The following PRELID2 variants were observed in gnomAD, a reference collection of about 807,000 sequenced individuals.
PRELID2 encodes the protein PRELI domain-containing protein 2.
In PRELID2, 25 loss-of-function variants were observed where a neutral mutation model predicts 28.4. The ratio of observed to expected loss-of-function variants is 0.88; its 90% CI spans 0.64 to 1.23. The LOEUF is 1.23. PRELID2 is among the 50% of genes most tolerant of loss of function. The pLI is 0.00. For missense variants in PRELID2, 201 were observed against 214.4 expected (o/e 0.94, Z 0.39); for synonymous variants, 76 against 71.6 (o/e 1.06, Z -0.31).
At chr5:145,505,407 C>T (rs1752401821) in intron 1 of PRELID2, among the ~76,000 whole-genome samples, 1 of 152,122 alleles carries the variant, frequency 6.6e-6, no homozygotes, top group Admixed American at 6.6e-5. Flanking sequence ...CTTTTCTGGA[C>T]ACTCTCAGCA....
chr5:145,587,604 T>G (rs1427328633), intron 1 of PRELID2, among the ~76,000 whole-genome samples: 1 of 152,152 alleles, frequency 6.6e-6, no homozygotes, highest in Non-Finnish European at 1.5e-5. Flanking sequence ...AAAATTTGGC[T>G]TTTCTATCGC....
Position 145,569,952 on chromosome 5 carries a change from A to G in PRELID2, n.71-96637T>C, listed in dbSNP as rs377443850. Among the ~76,000 whole-genome samples the G allele has an allele frequency of 8.5e-5, 13 of 152,232 alleles. 1 individual carries two copies. The highest frequency in any genetic ancestry group is 1.9e-4 in the East Asian group (1 of 5,162). On this transcript the variant is annotated intron_variant and non_coding_transcript_variant, in intron 1 of 2. Transcript: ENST00000510259. ...TTAAACAAAAGAAATGTATTCCCTC[A>G]CAATTCTGAAGGGGAGGAGTCTGAG...
chr5:145,486,331 C>A (rs1042129443), intron 1 of PRELID2, among the ~76,000 whole-genome samples: 1 of 152,128 alleles, frequency 6.6e-6, no homozygotes, highest in African/African-American at 2.4e-5. Flanking sequence ...AGAATCTTAC[C>A]CAACTTGTTC....
rs575367666 is a variant in PRELID2, at chr5:145,493,964, C to G, written n.71-20649G>C. Among the ~76,000 whole-genome samples the G allele has an allele frequency of 7.2e-5, 11 of 152,310 alleles. No individual in the cohort carries two copies. In the South Asian group the frequency reaches 1.7e-3, roughly 23 times the overall value. On this transcript the variant is annotated intron_variant and non_coding_transcript_variant, in intron 1 of 2. Coordinates refer to the PRELID2 transcript ENST00000510259. Reference sequence around the variant, plus strand: ...AATTCCTTGAGGCTAGGCACCATATCATAACATGTTTTAATTCTTTTAAAA... The same window carrying G: ...AATTCCTTGAGGCTAGGCACCATATGATAACATGTTTTAATTCTTTTAAAA...
chr5:145,645,860 C>T (rs1754187909), intron 1 of PRELID2, among the ~76,000 whole-genome samples: 1 of 152,114 alleles, frequency 6.6e-6, no homozygotes, highest in Non-Finnish European at 1.5e-5. Flanking sequence ...AATATTGGCC[C>T]CACTCTCTTC....
the PRELID2 span, among the ~76,000 whole-genome samples, chr5:145,412,562 TTC>T: frequency 6.6e-6 from 1 of 152,200 alleles, no homozygotes; most frequent in African/African-American, 2.4e-5. Context: ...ACCTTCTAAT[TTC>T]TTCAAGTCTC....
chr5:145,600,434 A>AAAAAAAATATATATATATATATATAT (rs1315631607), intron 1 of PRELID2, among the ~76,000 whole-genome samples: 2 of 120,116 alleles, frequency 1.7e-5, no homozygotes, highest in African/African-American at 8.2e-5. Context: ...AAAAAAAAAA[A>AAAAAAAATATATATATATATATATAT]ATATATATAT....
rs144089527 is a variant in PRELID2 at position 145,595,084 on chromosome 5, T to C, written n.71-121769A>G. The stretch of plus-strand genomic sequence containing the variant: ...CAGAGGTTGCAGTGAGCCAAGATCG[T>C]ACCACTGCACTCCAGCCTGGGCGAC... On this transcript the variant is annotated intron_variant and non_coding_transcript_variant, in intron 1 of 2. Coordinates refer to the PRELID2 transcript ENST00000510259. Among the ~76,000 whole-genome samples, 196 of 150,686 alleles carry C rather than the reference T, an allele frequency of 1.3e-3. 2 individuals carry two copies. Among genetic ancestry groups the C allele is most frequent in the African/African-American group, 4.7e-3 (192 of 41,034 alleles).
chr5:145,580,993 AC>A (rs1753102655), intron 1 of PRELID2, among the ~76,000 whole-genome samples: 2 of 151,866 alleles, frequency 1.3e-5, no homozygotes, highest in East Asian at 3.9e-4. Flanking sequence ...TCTGCATCCC[AC>A]CTACCTCACC....
chr5:145,513,658 C>A (rs1182368455), intron 1 of PRELID2, among the ~76,000 whole-genome samples: 1 of 152,136 alleles, frequency 6.6e-6, no homozygotes, highest in Non-Finnish European at 1.5e-5. Context: ...CACGAAGATA[C>A]TCTTCAAGAA....
chr5:145,291,335 C>CACAAAAAAAAAAAAAAAAAAAAAAAAAA, the PRELID2 span, among the ~76,000 whole-genome samples: 7 of 57,476 alleles, frequency 1.2e-4, no homozygotes, highest in African/African-American at 7.6e-4. Flanking sequence ...GACTCTGTTT[C>CACAAAAAAAAAAAAAAAAAAAAAAAAAA]AGAAAAAAAA....
At chr5:145,601,100 G>C (rs1042745042) in intron 1 of PRELID2, among the ~76,000 whole-genome samples, 2 of 152,122 alleles carry the variant, frequency 1.3e-5, no homozygotes, top group African/African-American at 4.8e-5. Context: ...AGGTTACAGT[G>C]AACTATGATT....
intron 1 of PRELID2, among the ~76,000 whole-genome samples, chr5:145,566,839 CAAAAAAAAA>C (rs537384269): frequency 2.4e-4 from 14 of 58,138 alleles, no homozygotes; most frequent in African/African-American, 5.0e-4. Context: ...GACTCCATCT[CAAAAAAAAA>C]AAAAAAAAAA....
chr5:145,329,990 G>A, the PRELID2 span, among the ~76,000 whole-genome samples: 1 of 152,266 alleles, frequency 6.6e-6, no homozygotes, highest in Non-Finnish European at 1.5e-5. Context: ...TTGAAGGGGT[G>A]TTGAATTTTA....
the PRELID2 span, among the ~76,000 whole-genome samples, chr5:145,334,956 T>TA: frequency 6.6e-6 from 1 of 152,116 alleles, no homozygotes; most frequent in Non-Finnish European, 1.5e-5. Flanking sequence ...ATCTTGGTGT[T>TA]ACGTTCTTGG....
chr5:145,639,237 G>A (rs1008278109), intron 1 of PRELID2, among the ~76,000 whole-genome samples: 1 of 152,066 alleles, frequency 6.6e-6, no homozygotes, highest in African/African-American at 2.4e-5. Flanking sequence ...ATTTTGTTAA[G>A]AGCAATCTCA....
chr5:145,538,152 G>A (rs12521179), intron 1 of PRELID2, among the ~76,000 whole-genome samples: 1 of 151,792 alleles, frequency 6.6e-6, no homozygotes, highest in Non-Finnish European at 1.5e-5. Context: ...GCATATAAGT[G>A]AGTGAATTTA....
At chr5:145,551,409 T>G (rs28454586) in intron 1 of PRELID2, among the ~76,000 whole-genome samples, 28,282 of 110,500 alleles carry the variant, frequency 0.26, 2,865 homozygotes, top group South Asian at 0.45. Context: ...TCTAAATAAA[T>G]AAATAAATAA....
At chr5:145,799,022 T>TAA (rs1752952223) in intron 4 of PRELID2, among the ~76,000 whole-genome samples, 4 of 143,948 alleles carry the variant, frequency 2.8e-5, no homozygotes, top group African/African-American at 1.1e-4. Flanking sequence ...TAAAGTATAA[T>TAA]AAAATATATA....
Sources: gnomAD v4.1 joint callset for allele counts (sites outside exome capture counted in the v4.1 genomes callset) on GRCh38, gnomAD v4.1.1 for gene constraint, MANE v1.5 for transcripts, NCBI Gene and HGNC (gene_info 2026-07-23, HGNC 2026-07-21) for gene names.